Variants in PARD3B observed in about 807,000 individuals in gnomAD.
PARD3B encodes partitioning defective 3 homolog B.
In PARD3B, 103 loss-of-function variants were observed where a neutral mutation model predicts 130.2. The observed-to-expected ratio is 0.79, with a 90% confidence interval of 0.67 to 0.93. The LOEUF is 0.93. Among genes scored for constraint, PARD3B ranks in the 40% least tolerant of loss-of-function variants. The pLI, the probability that PARD3B is intolerant of heterozygous loss-of-function variation, is 0.00. For synonymous variants in PARD3B, 583 were observed against 553.2 expected, an observed-to-expected ratio of 1.05 and a Z score of -0.76; for missense variants, 1,609 against 1,499.2, an observed-to-expected ratio of 1.07 and a Z score of -1.21.
intron 2 of PARD3B, among the ~76,000 whole-genome samples, chr2:204,762,116 AT>A (rs968166780): frequency 0.025 from 2,382 of 95,346 alleles, 13 homozygotes; most frequent in African/African-American, 0.069. Context: ...TTCTTTTTCT[AT>A]TTTTTTTTTT....
chr2:205,140,505 T>A (rs1188283506), intron 10 of PARD3B, among the ~76,000 whole-genome samples: 2 of 124,724 alleles, frequency 1.6e-5, no homozygotes, highest in South Asian at 2.4e-4. Flanking sequence ...TTTTTTTTTT[T>A]AAAGTTTCCA....
At chr2:205,141,752 A>G (rs2032973453) in intron 10 of PARD3B, among the ~76,000 whole-genome samples, 1 of 152,222 alleles carries the variant, frequency 6.6e-6, no homozygotes, top group Admixed American at 6.5e-5. Context: ...ATGTTCCAAA[A>G]TACCATTTGA....
intron 2 of PARD3B, among the ~76,000 whole-genome samples, chr2:204,903,046 A>G (rs906391655): frequency 2.0e-5 from 3 of 152,226 alleles, no homozygotes; most frequent in Admixed American, 6.5e-5. Flanking sequence ...TGTTGAGGTA[A>G]TTGAGTGAGA....
chr2:204,864,435 T>TA (rs1241826898), intron 2 of PARD3B, among the ~76,000 whole-genome samples: 1 of 152,194 alleles, frequency 6.6e-6, no homozygotes, highest in East Asian at 1.9e-4. Context: ...GACTTTTTTT[T>TA]ATTGCTTGAC....
intron 2 of PARD3B, among the ~76,000 whole-genome samples, chr2:204,750,662 A>G (rs1016492389): frequency 1.3e-5 from 2 of 152,102 alleles, no homozygotes; most frequent in Admixed American, 6.6e-5. Flanking sequence ...ACATAAAAGG[A>G]AATATTCATG....
chr2:205,266,069 C>T (rs1174896805), intron 16 of PARD3B, among the ~76,000 whole-genome samples: 1 of 152,060 alleles, frequency 6.6e-6, no homozygotes, highest in Non-Finnish European at 1.5e-5. Context: ...AAAGACATAG[C>T]TTCTTATCAG....
chr2:205,453,302 G>A (rs1037772289), intron 20 of PARD3B, among the ~76,000 whole-genome samples: 4 of 152,146 alleles, frequency 2.6e-5, no homozygotes, highest in African/African-American at 7.2e-5. Flanking sequence ...AACATGGTAC[G>A]TTTAGGAAAC....
intron 21 of PARD3B, among the ~76,000 whole-genome samples, chr2:205,543,068 A>G (rs2052230910): frequency 6.6e-6 from 1 of 152,202 alleles, no homozygotes; most frequent in Non-Finnish European, 1.5e-5. Context: ...TGTCTGAGAC[A>G]TCTATTTCAT....
chr2:204,730,042 A>G (rs2039435663), intron 2 of PARD3B, among the ~76,000 whole-genome samples: 1 of 130,290 alleles, frequency 7.7e-6, no homozygotes, highest in East Asian at 2.4e-4. Context: ...CACAGTGACT[A>G]TTCCTTGGGT....
At chr2:205,178,143 TAAAAAAAAAAAAAAAA>T (rs58267787) in intron 13 of PARD3B, among the ~76,000 whole-genome samples, 311 of 20,826 alleles carry the variant, frequency 0.015, 14 homozygotes, top group Middle Eastern at 0.15. Context: ...CCATCTGTAC[TAAAAAAAAAAAAAAAA>T]AAAAAAAAAA....
intron 1 of PARD3B, among the ~76,000 whole-genome samples, chr2:204,638,445 G>A (rs2125150019): frequency 6.6e-6 from 1 of 152,252 alleles, no homozygotes; most frequent in East Asian, 1.9e-4. Flanking sequence ...ACTGCAATGT[G>A]CTGAATTGAT....
rs1243542808 is a variant in PARD3B at position 205,244,809 on chromosome 2, G to A, written c.2141-969G>A. 6.6e-6 allele frequency among the ~76,000 whole-genome samples: 1 copy of A among 151,910 alleles called. No individual in the cohort carries two copies. The highest frequency in any genetic ancestry group is 6.6e-5 in the Admixed American group (1 of 15,250). ...ATTAATCTAGAGTTAGTTTTTCCCC[G>A]CTGTTGAGGCAAGACCCTTCTTCAC... On this transcript the variant is annotated intron_variant, in intron 15 of 22. Transcript: ENST00000406610. This position sits in a 1 kb window ranked among gnomAD's most constrained non-coding sequence, Gnocchi z 4.7.
intron 3 of PARD3B, among the ~76,000 whole-genome samples, chr2:205,022,617 G>A (rs1180999507): frequency 6.6e-6 from 1 of 152,154 alleles, no homozygotes; most frequent in African/African-American, 2.4e-5. Context: ...GATGGAAGAT[G>A]AAGAGAAAAT....
chr2:205,407,003 A>G lies in PARD3B; in HGVS notation c.2741+5880A>G, dbSNP rs749101257. Among the ~76,000 whole-genome samples, 8 of 152,110 alleles carry G rather than the reference A, an allele frequency of 5.3e-5. No homozygotes were observed. The highest frequency in any genetic ancestry group is 8.8e-5 in the Non-Finnish European group (6 of 68,022). Reference sequence around the variant, plus strand: ...ACCTTAAATGCTACTTTGTCCTTAGATGATCTCTGGGGTTCTTTTCAGATA... The same window carrying G: ...ACCTTAAATGCTACTTTGTCCTTAGGTGATCTCTGGGGTTCTTTTCAGATA... On this transcript the variant is annotated intron_variant, in intron 19 of 22. Coordinates refer to ENST00000406610, the MANE Select transcript of PARD3B (RefSeq NM_001302769.2). This position sits in a 1 kb window ranked among gnomAD's most constrained non-coding sequence, Gnocchi z 4.1.
intron 4 of PARD3B, among the ~76,000 whole-genome samples, chr2:205,080,409 C>T (rs1701332645): frequency 6.6e-6 from 1 of 151,990 alleles, no homozygotes; most frequent in Non-Finnish European, 1.5e-5. Flanking sequence ...TATACTTAAA[C>T]ATCTATTTCT....
chr2:205,203,915 G>A (rs775960887), intron 15 of PARD3B, among the ~76,000 whole-genome samples: 6 of 152,228 alleles, frequency 3.9e-5, no homozygotes, highest in East Asian at 1.9e-4. Flanking sequence ...ATAAACATAC[G>A]TGTACATGTC....
chr2:205,250,446 T>C (rs1210924974), intron 16 of PARD3B, among the ~76,000 whole-genome samples: 2 of 152,178 alleles, frequency 1.3e-5, no homozygotes, highest in Non-Finnish European at 2.9e-5. Context: ...CCTGTCCATA[T>C]AGCTGTAAAA....
chr2:205,058,734 A>G (rs549761887), intron 4 of PARD3B, among the ~76,000 whole-genome samples: 10 of 152,018 alleles, frequency 6.6e-5, no homozygotes, highest in South Asian at 2.1e-4. Flanking sequence ...CCATTCATGT[A>G]TCTTCTTTGG....
At chr2:204,550,411 A>ATTGTGT (rs2030362306) in intron 1 of PARD3B, among the ~76,000 whole-genome samples, 4 of 52,890 alleles carry the variant, frequency 7.6e-5, no homozygotes, top group Non-Finnish European at 2.0e-4. Flanking sequence ...CGGAGGGCTG[A>ATTGTGT]CTGTGTGTGT....
Sources: gnomAD v4.1 joint callset for allele counts (sites outside exome capture counted in the v4.1 genomes callset) on GRCh38, gnomAD v4.1.1 for gene constraint, Gnocchi (gnomAD v3.1) non-coding constraint, MANE v1.5 for transcripts, NCBI Gene and HGNC (gene_info 2026-07-23, HGNC 2026-07-21) for gene names.